Variants in RAB38 observed in about 807,000 individuals in gnomAD.
The protein encoded by RAB38 is RAB38, member RAS oncogene family.
A neutral mutation model predicts 18.4 loss-of-function variants in RAB38; 15 were observed. The observed-to-expected ratio is 0.82, with a 90% confidence interval of 0.55 to 1.26. The LOEUF (loss-of-function observed/expected upper bound fraction) is 1.26. RAB38 is among the 50% of genes most tolerant of loss of function. The pLI, the probability that RAB38 is intolerant of heterozygous loss-of-function variation, is 0.00. For synonymous variants in RAB38, 101 were observed against 104.4 expected, an observed-to-expected ratio of 0.97 and a Z score of 0.20; for missense variants, 294 against 267.4, an observed-to-expected ratio of 1.10 and a Z score of -0.69.
At chr11:88,119,252 T>A (rs766303721) in intron 2 of RAB38, among the ~76,000 whole-genome samples, 1 of 152,124 alleles carries the variant, frequency 6.6e-6, no homozygotes, top group African/African-American at 2.4e-5. Context: ...CAGTTAGGCA[T>A]GGTGATGGGA....
chr11:87,804,712 C>A, the RAB38 span, among the ~76,000 whole-genome samples: 1 of 152,134 alleles, frequency 6.6e-6, no homozygotes, highest in East Asian at 1.9e-4. Context: ...TCATCTCCTT[C>A]TGCTGGGATA....
At chr11:87,814,868 G>A in the RAB38 span, among the ~76,000 whole-genome samples, 1 of 151,898 alleles carries the variant, frequency 6.6e-6, no homozygotes, top group Non-Finnish European at 1.5e-5. Context: ...CGAGTAGCTG[G>A]GACTACAGGC....
At chr11:88,022,625 A>AAAAAC in the RAB38 span, among the ~76,000 whole-genome samples, 1 of 150,582 alleles carries the variant, frequency 6.6e-6, no homozygotes, top group Admixed American at 6.6e-5. Flanking sequence ...AAAAAAAAAA[A>AAAAAC]AAAAAAACAA....
At chr11:87,827,993 A>G in the RAB38 span, among the ~76,000 whole-genome samples, 1 of 152,222 alleles carries the variant, frequency 6.6e-6, no homozygotes, top group African/African-American at 2.4e-5. Flanking sequence ...AAATACAGCC[A>G]GGAGTTTAAC....
At chr11:87,898,452 A>G in the RAB38 span, among the ~76,000 whole-genome samples, 2 of 151,628 alleles carry the variant, frequency 1.3e-5, no homozygotes, top group Admixed American at 6.6e-5. Flanking sequence ...GTGCAATTTC[A>G]CATTTGCTTT....
At chr11:88,048,369 C>G in the RAB38 span, among the ~76,000 whole-genome samples, 1 of 152,114 alleles carries the variant, frequency 6.6e-6, no homozygotes, top group African/African-American at 2.4e-5. Flanking sequence ...ATCACCCAAG[C>G]AGTTTCTCAG....
chr11:87,933,830 C>A, the RAB38 span, among the ~76,000 whole-genome samples: 3 of 152,232 alleles, frequency 2.0e-5, no homozygotes, highest in African/African-American at 7.2e-5. Flanking sequence ...TCTACCCAAG[C>A]TTCTCTGCCT....
chr11:87,878,283 TATCTATCTATCTATCTACCTATC>T, the RAB38 span, among the ~76,000 whole-genome samples: 21 of 142,378 alleles, frequency 1.5e-4, no homozygotes, highest in African/African-American at 3.8e-4. Context: ...TCTATCTATC[TATCTATCTATCTATCTACCTATC>T]ATCTATCTAT....
chr11:87,898,444 G>A, the RAB38 span, among the ~76,000 whole-genome samples: 1 of 151,558 alleles, frequency 6.6e-6, no homozygotes. Flanking sequence ...AATCTCAGGT[G>A]CAATTTCACA....
At chr11:88,127,130 CAT>C (rs1364306175) in intron 2 of RAB38, among the ~76,000 whole-genome samples, 2 of 152,184 alleles carry the variant, frequency 1.3e-5, no homozygotes, top group East Asian at 3.8e-4. Flanking sequence ...GTTTCTTAAT[CAT>C]AGGATTTCTC....
At chr11:87,881,769 C>T in the RAB38 span, among the ~76,000 whole-genome samples, 1 of 151,714 alleles carries the variant, frequency 6.6e-6, no homozygotes, top group Non-Finnish European at 1.5e-5. Context: ...TAGTCACATT[C>T]TTATACCTTC....
chr11:88,027,979 C>T, the RAB38 span, among the ~76,000 whole-genome samples: 2 of 152,224 alleles, frequency 1.3e-5, no homozygotes, highest in East Asian at 1.9e-4. Context: ...AGGCACCCCC[C>T]AGCAGGGGCA....
the RAB38 span, among the ~76,000 whole-genome samples, chr11:88,004,113 C>T: frequency 2.1e-5 from 3 of 146,172 alleles, no homozygotes; most frequent in East Asian, 4.0e-4. Context: ...TATGAAACCT[C>T]GTTTTAGCAG....
the RAB38 span, among the ~76,000 whole-genome samples, chr11:88,017,347 T>C: frequency 8.1e-6 from 1 of 123,304 alleles, no homozygotes; most frequent in African/African-American, 3.2e-5. Flanking sequence ...ATAAAGGATA[T>C]ATAATATATA....
At chr11:87,970,263 C>A in the RAB38 span, among the ~76,000 whole-genome samples, 1 of 151,950 alleles carries the variant, frequency 6.6e-6, no homozygotes, top group Admixed American at 6.6e-5. Flanking sequence ...CCATAAAGAA[C>A]AAAATATCAA....
At chr11:87,930,327 A>T in the RAB38 span, among the ~76,000 whole-genome samples, 3 of 152,032 alleles carry the variant, frequency 2.0e-5, no homozygotes, top group Non-Finnish European at 4.4e-5. Context: ...GATGATGAGT[A>T]TTTTTTCATG....
At chr11:87,950,592 A>G in the RAB38 span, among the ~76,000 whole-genome samples, 7 of 152,266 alleles carry the variant, frequency 4.6e-5, no homozygotes, top group African/African-American at 1.7e-4. Context: ...TAGTGACAAA[A>G]TCTCTCAGCA....
At chr11:87,951,050 T>A in the RAB38 span, among the ~76,000 whole-genome samples, 1 of 152,314 alleles carries the variant, frequency 6.6e-6, no homozygotes, top group African/African-American at 2.4e-5. Flanking sequence ...GGTCTTTTCA[T>A]ATAGTCCAGT....
chr11:88,067,644 T>C, the RAB38 span, among the ~76,000 whole-genome samples: 2 of 152,190 alleles, frequency 1.3e-5, no homozygotes, highest in African/African-American at 4.8e-5. Context: ...TATAGAGAAG[T>C]TGAGCATCAG....
Sources: gnomAD v4.1 joint callset for allele counts (sites outside exome capture counted in the v4.1 genomes callset) on GRCh38, gnomAD v4.1.1 for gene constraint, MANE v1.5 for transcripts, NCBI Gene and HGNC (gene_info 2026-07-23, HGNC 2026-07-21) for gene names.